Variants in RALGAPB observed in about 807,000 individuals in gnomAD.
The protein encoded by RALGAPB is ral GTPase-activating protein subunit beta.
Under a neutral mutation model 161.1 loss-of-function variants are expected in RALGAPB, and 25 were observed. The observed-to-expected ratio is 0.16, with a 90% CI of 0.11 to 0.22. The LOEUF (loss-of-function observed/expected upper bound fraction) is 0.22. Ranked by LOEUF, RALGAPB falls within the 10% of genes least tolerant of loss-of-function variation. RALGAPB has a pLI of 1.00. For missense variants in RALGAPB, 1,391 were observed against 1,815.2 expected (o/e 0.77, Z 4.25); for synonymous variants, 629 against 626.1 (o/e 1.00, Z -0.07).
Position 38,525,371 on chromosome 20 carries a change from C to T in RALGAPB, c.1788-33C>T, listed in dbSNP as rs1458466313. 4 of 1,483,700 alleles carry T rather than the reference C, an allele frequency of 2.7e-6. No homozygotes were observed. In the East Asian group the frequency reaches 9.1e-5, roughly 34 times the overall value. The allele number at this position is 1,483,700 out of a possible 1,614,324, so 91.9% of individuals were successfully genotyped here. ...CAGTAGCTAAAAATGTGCTTTAGTT[C>T]AAAAATACTAATAGCTTTTTATTTT... is the stretch of plus-strand genomic sequence containing the variant. On this transcript the variant is annotated intron_variant, in intron 11 of 29. Transcript: ENST00000262879.
intron 2 of RALGAPB, among the ~76,000 whole-genome samples, chr20:38,490,398 C>T (rs2085245354): frequency 6.7e-6 from 1 of 149,770 alleles, no homozygotes; most frequent in African/African-American, 2.5e-5. Context: ...TTAGTAGGGA[C>T]AGAGTTTCAC....
chr20:38,548,669 A>G lies in RALGAPB; in HGVS notation c.2903-20A>G, dbSNP rs1163065132. ...GTTGTTGTCTGAAATTAAAACTTTT[A>G]TATACATATTTTATTCTAGATGATT... On this transcript the variant is annotated intron_variant, in intron 19 of 29. Transcript: ENST00000262879. The G allele has an allele frequency of 1.9e-6, 3 of 1,567,208 alleles. No individual in the cohort carries two copies. In the Admixed American group the frequency reaches 5.1e-5, roughly 26 times the overall value.
At position 38,577,776 on chromosome 20, in the gene RALGAPB, T is replaced by A. The variant is rs111617794; in HGVS notation, c.*2809T>A. 0.074 allele frequency: 11,194 copies of A among 152,162 alleles called. 1,445 individuals are homozygous for A. The highest frequency in any genetic ancestry group is 0.26 in the African/African-American group (10,561 of 41,272). The allele number at this position is 152,162 out of a possible 1,614,324, so 9.4% of individuals were successfully genotyped here. On this transcript the variant is annotated 3_prime_UTR_variant, in exon 30 of 30. Coordinates refer to ENST00000262879, the MANE Select transcript of RALGAPB (RefSeq NM_020336.4). ...TTTCCTTCATTTCCAGATCCTTTAT[T>A]TCAGAGCAGCCCATTTTCCTCTGGA...
intron 5 of RALGAPB, among the ~76,000 whole-genome samples, chr20:38,506,029 A>G (rs1184193550): frequency 7.6e-6 from 1 of 130,926 alleles, no homozygotes; most frequent in Non-Finnish European, 1.6e-5. Flanking sequence ...ACAAAATTCC[A>G]AAGAGTAAAA....
intron 13 of RALGAPB, among the ~76,000 whole-genome samples, chr20:38,528,576 C>G (rs1326881185): frequency 6.6e-6 from 1 of 152,060 alleles, no homozygotes; most frequent in Non-Finnish European, 1.5e-5. Flanking sequence ...GCTCTGTTGC[C>G]CAGGCTGGTC....
chr20:38,488,105 G>A (rs2085171374), intron 1 of RALGAPB, among the ~76,000 whole-genome samples: 2 of 152,128 alleles, frequency 1.3e-5, no homozygotes, highest in South Asian at 4.1e-4. Flanking sequence ...CAGAACATAT[G>A]CATATATTAC....
intron 18 of RALGAPB, among the ~76,000 whole-genome samples, chr20:38,544,553 C>T (rs904166386): frequency 6.6e-6 from 1 of 152,112 alleles, no homozygotes; most frequent in African/African-American, 2.4e-5. Context: ...CTGCAACTGC[C>T]GCCTCCCAGA....
intron 12 of RALGAPB, 65 bp downstream of exon 12, chr20:38,525,583 C>G (rs58609278): frequency 2.5e-6 from 3 of 1,212,904 alleles, no homozygotes; most frequent in African/African-American, 3.1e-5. Context: ...TAAGTCAAAT[C>G]GAATGTTAAA....
intron 29 of RALGAPB, 109 bp downstream of exon 29, chr20:38,574,407 A>G (rs1270781308): frequency 4.9e-6 from 6 of 1,227,132 alleles, no homozygotes; most frequent in African/African-American, 1.6e-5. Flanking sequence ...TAGCTTCCAC[A>G]TGTAGGAAAT....
At chr20:38,548,564 A>G in intron 19 of RALGAPB, 125 bp from the exon 20 acceptor site, 1 of 755,786 alleles carries the variant, frequency 1.3e-6, no homozygotes. Flanking sequence ...AGTGGTACAC[A>G]AAAGATCAAA....
chr20:38,514,797 C>G (rs2086077531), intron 6 of RALGAPB, among the ~76,000 whole-genome samples: 1 of 152,220 alleles, frequency 6.6e-6, no homozygotes, highest in Non-Finnish European at 1.5e-5. Flanking sequence ...AAATTTAGGT[C>G]TAATCTGGAT....
At position 38,492,942 on chromosome 20, in the gene RALGAPB, A is replaced by T; in HGVS notation, c.199A>T (p.Met67Leu). Reference sequence around the variant, plus strand: ...TTCTTTTGTCTAGGTAAAATGGACCATGGAAGTAATTTGCTATGGACTGAC... The same window carrying T: ...TTCTTTTGTCTAGGTAAAATGGACCTTGGAAGTAATTTGCTATGGACTGAC... ...LKTDKEVKWT[M>L]EVICYGLTLP... The change falls in exon 3 of 30, where the codon ATG becomes TTG. Residue 67 changes from methionine to leucine, a missense_variant. Met to Leu is a conservative substitution (Grantham distance 15). This residue lies in a region of RALGAPB where 946 missense variants were observed against 1,257.2 expected (regional missense o/e 0.75). Transcript: ENST00000262879. The T allele has an allele frequency of 6.2e-7, 1 of 1,608,504 alleles. No individual in the cohort carries two copies. Among genetic ancestry groups the T allele is most frequent in the Non-Finnish European group, 8.5e-7 (1 of 1,175,066 alleles).
At chr20:38,542,180 G>A (rs1394640449) in intron 18 of RALGAPB, among the ~76,000 whole-genome samples, 3 of 152,200 alleles carry the variant, frequency 2.0e-5, no homozygotes, top group East Asian at 1.9e-4. Context: ...CTCAGAAAAT[G>A]TAAAAGCAGA....
chr20:38,512,460 A>G (rs1360694557), intron 6 of RALGAPB, among the ~76,000 whole-genome samples: 2 of 152,270 alleles, frequency 1.3e-5, no homozygotes, highest in Non-Finnish European at 1.5e-5. Flanking sequence ...GGGAATAATG[A>G]TAGTACCATC....
intron 10 of RALGAPB, among the ~76,000 whole-genome samples, chr20:38,523,603 G>A (rs1052065925): frequency 4.6e-5 from 7 of 152,222 alleles, no homozygotes; most frequent in African/African-American, 1.7e-4. Context: ...GTGCACAGAA[G>A]TACCATAATA....
chr20:38,570,070 T>C lies in RALGAPB; in HGVS notation c.4063+74T>C, dbSNP rs6128455. On this transcript the variant is annotated intron_variant, in intron 27 of 29. Transcript: ENST00000262879. ...TGACTTGCTAAATGTCTACAGGGAG[T>C]GGGCACATAAGCCTGGTGTGGCCAG... is the stretch of plus-strand genomic sequence containing the variant. The C allele has an allele frequency of 3.6e-3, 4,551 of 1,278,276 alleles. 241 individuals carry two copies. In the East Asian group the frequency reaches 0.098, roughly 28 times the overall value. 79.2% of individuals were successfully genotyped at this position (1,278,276 alleles called of 1,614,324 possible).
rs112069414 is a variant in RALGAPB, at chr20:38,473,325, C to T, written c.-31+256C>T. Among the ~76,000 whole-genome samples, 1,174 of 152,288 alleles carry T rather than the reference C, an allele frequency of 7.7e-3. 21 individuals carry two copies. Among genetic ancestry groups the T allele is most frequent in the African/African-American group, 0.026 (1,070 of 41,564 alleles). On this transcript the variant is annotated intron_variant, in intron 1 of 29. Coordinates refer to ENST00000262879, the MANE Select transcript of RALGAPB (RefSeq NM_020336.4). ...GGAGCTACCCCGGCCAGGCGAAGCT[C>T]TCTCCTGGCAACCTGGGGGAGGGGG...
rs2088403031 is a variant in RALGAPB, at chr20:38,575,489, T to C, written c.*522T>C. ...TCTTCTTGTCATCCAGCTGTCACAC[T>C]GACAAAAAGAAAAGATGATACATGT... On this transcript the variant is annotated 3_prime_UTR_variant, in exon 30 of 30. Coordinates refer to ENST00000262879, the MANE Select transcript of RALGAPB (RefSeq NM_020336.4). The C allele has an allele frequency of 6.5e-6, 1 of 153,540 alleles. No homozygotes were observed. The highest frequency in any genetic ancestry group is 1.5e-5 in the Non-Finnish European group (1 of 68,754). The allele number at this position is 153,540 out of a possible 1,614,324, so 9.5% of individuals were successfully genotyped here.
At chr20:38,474,126 A>G (rs900911587) in intron 1 of RALGAPB, among the ~76,000 whole-genome samples, 2 of 152,108 alleles carry the variant, frequency 1.3e-5, no homozygotes, top group Non-Finnish European at 2.9e-5. Context: ...CTCGTTTGCA[A>G]TTTTCCTAAA....
Sources: gnomAD v4.1 joint callset for allele counts (sites outside exome capture counted in the v4.1 genomes callset) on GRCh38, gnomAD v4.1.1 for gene constraint, gnomAD v4.1.1 regional missense constraint, MANE v1.5 for transcripts, NCBI Gene and HGNC (gene_info 2026-07-23, HGNC 2026-07-21) for gene names.